CSF3R: variants seen among roughly 807,000 people sequenced by gnomAD.
CSF3R encodes the protein granulocyte colony-stimulating factor receptor.
CSF3R carries 52 observed loss-of-function variants against 84.4 expected under a neutral mutation model. The observed-to-expected ratio is 0.62, with a 90% CI of 0.49 to 0.78. CSF3R has a LOEUF of 0.78. CSF3R is among the 30% of genes least tolerant of loss of function. The pLI is 0.00. For synonymous variants in CSF3R, 384 were observed against 429.1 expected (o/e 0.89, Z 1.30); for missense variants, 890 against 1,055.7 (o/e 0.84, Z 2.17).
Position 36,466,793 on chromosome 1 carries a change from G to A in CSF3R, c.2075C>T (p.Pro692Leu). The A allele has an allele frequency of 3.1e-6, 5 of 1,614,202 alleles. No homozygotes were observed. The highest frequency in any genetic ancestry group is 4.2e-6 in the Non-Finnish European group (5 of 1,180,034). Residue 692 changes from proline to leucine, a missense_variant, in exon 17 of 17, where the codon CCC becomes CTC. By Grantham distance (98) the Pro-to-Leu change is moderately conservative. Transcript: ENST00000373106. This position sits in a 1 kb window ranked among gnomAD's most constrained non-coding sequence, Gnocchi z 4.6. ...CTCCAGCACTGTGAGCTTGGTGATG[G>A]GTGGCGTGCCAAGGCCGGGCAGCTG... ...AFQLPGLGTPPITKLTVLEED... is the reference protein window; with the variant it reads ...AFQLPGLGTPLITKLTVLEED...
chr1:36,474,294 A>G (rs1025377489), intron 4 of CSF3R, among the ~76,000 whole-genome samples: 1 of 152,078 alleles, frequency 6.6e-6, no homozygotes, highest in Non-Finnish European at 1.5e-5. Flanking sequence ...TAGCGTTATC[A>G]CAAGGGCTAA....
At chr1:36,480,538 C>G (rs1323878302) in intron 2 of CSF3R, among the ~76,000 whole-genome samples, 1 of 152,128 alleles carries the variant, frequency 6.6e-6, no homozygotes, top group African/African-American at 2.4e-5. Flanking sequence ...CACCCTGCTC[C>G]CATTGGGGTC....
At chr1:36,475,080 T>C (rs1016488741) in intron 4 of CSF3R, among the ~76,000 whole-genome samples, 5 of 151,830 alleles carry the variant, frequency 3.3e-5, no homozygotes, top group Non-Finnish European at 2.9e-5. Context: ...TCTCAGCTCA[T>C]TGCAACCTCC....
chr1:36,481,697 C>G (rs1651531070), intron 1 of CSF3R, 160 bp from the exon 2 acceptor site: 1 of 152,454 alleles, frequency 6.6e-6, no homozygotes, highest in African/African-American at 2.4e-5. Context: ...GTCAGCAGCT[C>G]ACAGAATCCA....
In CSF3R at chr1:36,467,893, A is replaced by G. The variant is rs1650436546; in HGVS notation, c.1793T>C (p.Ile598Thr). Residue 598 changes from isoleucine to threonine, a missense_variant, in exon 14 of 17, where the codon ATC becomes ACC. Transcript: ENST00000373106. This position sits in a 1 kb window ranked among gnomAD's most constrained non-coding sequence, Gnocchi z 4.1. ...AGCCTGGCTGGCAGCCATGAGGTGG[A>G]TGTGATACAGACTGGCGGGCTCCAG... ...HGLEPASLYH[I>T]HLMAASQAGA... 6.2e-7 allele frequency: 1 copy of G among 1,614,200 alleles called. No homozygotes were observed. Among genetic ancestry groups the G allele is most frequent in the African/African-American group, 1.3e-5 (1 of 75,046 alleles).
Position 36,472,620 on chromosome 1 carries a change from C to T in CSF3R, c.740G>A (p.Gly247Asp). ...TGGCTCCCAGCACAGCTGTAGGCAG[C>T]CTGCCTGGGGAGGGGCCGCTTCAGG... ...PSPEAAPPQA[G>D]CLQLCWEPWQ... The change falls in exon 7 of 17, where the codon GGC becomes GAC. Residue 247 changes from glycine to aspartate, a missense_variant. Transcript: ENST00000373106. This position sits in a 1 kb window ranked among gnomAD's most constrained non-coding sequence, Gnocchi z 5.0. 6.2e-7 allele frequency: 1 copy of T among 1,612,596 alleles called. No homozygotes were observed. The highest frequency in any genetic ancestry group is 8.5e-7 in the Non-Finnish European group (1 of 1,179,086).
rs1289505080 is a variant in CSF3R, at chr1:36,467,316, A to C, written c.1959-5T>G. On this transcript the variant is annotated splice_region_variant and splice_polypyrimidine_tract_variant and intron_variant, in intron 15 of 16. Coordinates refer to ENST00000373106, the MANE Select transcript of CSF3R (RefSeq NM_000760.4). This position sits in a 1 kb window ranked among gnomAD's most constrained non-coding sequence, Gnocchi z 4.1. ...GGCCAGAGGGGATTCTTCCTGCTGG[A>C]GAAGGGGGCAGGTGGAGGCTGAGTC... 9 of 1,614,048 alleles carry C rather than the reference A, an allele frequency of 5.6e-6. No individual in the cohort carries two copies. Among genetic ancestry groups the C allele is most frequent in the Non-Finnish European group, 7.6e-6 (9 of 1,179,938 alleles).
chr1:36,480,650 G>A (rs1013151912), intron 2 of CSF3R, among the ~76,000 whole-genome samples: 8 of 152,204 alleles, frequency 5.3e-5, no homozygotes, highest in Admixed American at 4.6e-4. Context: ...ACACATACAC[G>A]CAGGTGGTGT....
chr1:36,469,391 A>T, intron 11 of CSF3R, 134 bp from the exon 12 acceptor site: 1 of 799,366 alleles, frequency 1.3e-6, no homozygotes, highest in South Asian at 1.5e-5. Context: ...TATCTTCTTT[A>T]GATCATTTGA....
intron 3 of CSF3R, chr1:36,477,671 G>A (rs945410464): frequency 6.6e-6 from 1 of 152,090 alleles, no homozygotes; most frequent in African/African-American, 2.4e-5. Flanking sequence ...ATGGGGATGC[G>A]AAGGCCCTAA....
Position 36,473,576 on chromosome 1 carries a change from C to T in CSF3R, c.532G>A (p.Val178Met), listed in dbSNP as rs186379741. The change falls in exon 6 of 17, where the codon GTG becomes ATG. Residue 178 changes from valine to methionine, a missense_variant. Transcript: ENST00000373106. ...QTQGDSILDC[V>M]PKDGQSHCCI... Reference sequence around the variant, plus strand: ...CAGTGGCTCTGCCCGTCCTTGGGCACGCAGTCCAGGATGGAGTCCCCTTGG... The same window carrying T: ...CAGTGGCTCTGCCCGTCCTTGGGCATGCAGTCCAGGATGGAGTCCCCTTGG... The T allele has an allele frequency of 2.7e-5, 44 of 1,614,168 alleles. No individual in the cohort carries two copies. Among genetic ancestry groups the T allele is most frequent in the African/African-American group, 1.3e-4 (10 of 75,062 alleles).
intron 3 of CSF3R, chr1:36,475,972 T>G: frequency 2.9e-6 from 1 of 345,822 alleles, no homozygotes; most frequent in Non-Finnish European, 5.4e-6. Flanking sequence ...TTCAGCCTAT[T>G]GATGTGACAT....
In CSF3R at chr1:36,470,425, T is replaced by G. The variant is rs189846676; in HGVS notation, c.1286-585A>C. 3.1e-3 allele frequency among the ~76,000 whole-genome samples: 465 copies of G among 152,286 alleles called. 1 individual carries two copies. Among genetic ancestry groups the G allele is most frequent in the Non-Finnish European group, 5.1e-3 (347 of 68,004 alleles). ...GTCTTGACCTCCTGACCTCAGATGA[T>G]CCGCCCGCCTCAGCCTCCCAAAGTG... On this transcript the variant is annotated intron_variant, in intron 10 of 16. Coordinates refer to ENST00000373106, the MANE Select transcript of CSF3R (RefSeq NM_000760.4).
chr1:36,475,237 C>T, intron 4 of CSF3R, 140 bp downstream of exon 4: 1 of 1,020,126 alleles, frequency 9.8e-7, no homozygotes, highest in Non-Finnish European at 1.5e-6. Flanking sequence ...GAACTCCTGA[C>T]CTCAGGTGAT....
At chr1:36,468,415 G>A in intron 12 of CSF3R, 194 bp from the exon 13 acceptor site, 1 of 540,852 alleles carries the variant, frequency 1.8e-6, no homozygotes, top group Non-Finnish European at 3.2e-6. Flanking sequence ...GCCAGGATTT[G>A]AACCTGGCTC....
rs750397318 is a variant in CSF3R at position 36,466,145 on chromosome 1, G to A, written c.*212C>T. The A allele has an allele frequency of 5.1e-5, 82 of 1,614,124 alleles. No individual in the cohort carries two copies. Among genetic ancestry groups the A allele is most frequent in the Non-Finnish European group, 6.6e-5 (78 of 1,180,050 alleles). On this transcript the variant is annotated 3_prime_UTR_variant, in exon 17 of 17. Transcript: ENST00000373106. The surrounding 1 kb of genome is among the most constrained non-coding windows in gnomAD (Gnocchi z 4.6). Reference sequence around the variant, plus strand: ...CAAGCACAAAAGGCCATTGGGTGGGGCTGGATGGAGCATGATCTGGTCCTT... The same window carrying A: ...CAAGCACAAAAGGCCATTGGGTGGGACTGGATGGAGCATGATCTGGTCCTT...
chr1:36,469,279 G>A, intron 11 of CSF3R, 22 bp from the exon 12 acceptor site: 1 of 1,585,314 alleles, frequency 6.3e-7, no homozygotes, highest in Non-Finnish European at 8.7e-7. Context: ...AAATGGGGTA[G>A]GCACTTCTGT....
Position 36,467,319 on chromosome 1 carries a change from A to G in CSF3R, c.1959-8T>C. Reference sequence around the variant, plus strand: ...CAGAGGGGATTCTTCCTGCTGGAGAAGGGGGCAGGTGGAGGCTGAGTCAGA... The same window carrying G: ...CAGAGGGGATTCTTCCTGCTGGAGAGGGGGGCAGGTGGAGGCTGAGTCAGA... On this transcript the variant is annotated splice_region_variant and splice_polypyrimidine_tract_variant and intron_variant, in intron 15 of 16. Transcript: ENST00000373106. This position sits in a 1 kb window ranked among gnomAD's most constrained non-coding sequence, Gnocchi z 4.1. 1 of 1,614,092 alleles carries G rather than the reference A, an allele frequency of 6.2e-7. No homozygotes were observed. Among genetic ancestry groups the G allele is most frequent in the Middle Eastern group, 1.7e-4 (1 of 6,056 alleles).
At position 36,466,611 on chromosome 1, in the gene CSF3R, C is replaced by T. The variant is rs1375728977; in HGVS notation, c.2257G>A (p.Gly753Arg). The T allele has an allele frequency of 1.1e-5, 18 of 1,613,582 alleles. No individual in the cohort carries two copies. The highest frequency in any genetic ancestry group is 1.7e-5 in the Admixed American group (1 of 59,990). The change falls in exon 17 of 17, where the codon GGG becomes AGG. Residue 753 changes from glycine to arginine, a missense_variant. By Grantham distance (125) the Gly-to-Arg change is moderately radical. Transcript: ENST00000373106. This position sits in a 1 kb window ranked among gnomAD's most constrained non-coding sequence, Gnocchi z 4.6. ...CTTGTGGGGCTGCCCAGCAGCTGCC[C>T]ATAAAGGACCTGATCGCTGGTGCCA... is the stretch of plus-strand genomic sequence containing the variant. ...QSGTSDQVLY[G>R]QLLGSPTSPG...
Sources: gnomAD v4.1 joint callset for allele counts (sites outside exome capture counted in the v4.1 genomes callset) on GRCh38, gnomAD v4.1.1 for gene constraint, Gnocchi (gnomAD v3.1) non-coding constraint, MANE v1.5 for transcripts, NCBI Gene and HGNC (gene_info 2026-07-23, HGNC 2026-07-21) for gene names.